KHDRBS2: variants seen among roughly 807,000 people sequenced by gnomAD.
KHDRBS2 encodes the protein KH RNA binding domain containing, signal transduction associated 2, also known as KH domain-containing, RNA-binding, signal transduction-associated protein 2.
In KHDRBS2, 26 loss-of-function variants were observed where a neutral mutation model predicts 44.3. The ratio of observed to expected loss-of-function variants is 0.59; its 90% CI spans 0.43 to 0.81. The LOEUF (loss-of-function observed/expected upper bound fraction) is 0.81, where lower values mean the gene tolerates loss of function less well. Ranked by LOEUF, KHDRBS2 falls within the 40% of genes least tolerant of loss-of-function variation. The pLI, the probability that KHDRBS2 is intolerant of heterozygous loss-of-function variation, is 0.00. For missense variants in KHDRBS2, 476 were observed against 433.1 expected (o/e 1.10, Z -0.88); for synonymous variants, 194 against 151.1 (o/e 1.28, Z -2.08).
chr6:61,962,080 AAGTAT>A (rs1013930896), intron 4 of KHDRBS2, among the ~76,000 whole-genome samples: 3 of 152,110 alleles, frequency 2.0e-5, no homozygotes, highest in Non-Finnish European at 4.4e-5. Context: ...CTCTAAAGGC[AAGTAT>A]ATCTTACAGG....
chr6:62,156,169 G>C (rs1394504703), intron 2 of KHDRBS2, among the ~76,000 whole-genome samples: 1 of 152,074 alleles, frequency 6.6e-6, no homozygotes, highest in African/African-American at 2.4e-5. Context: ...CTCAGGTACC[G>C]AATCACTGTG....
chr6:61,751,815 T>C (rs1445786364), intron 6 of KHDRBS2, among the ~76,000 whole-genome samples: 1 of 152,158 alleles, frequency 6.6e-6, no homozygotes, highest in Non-Finnish European at 1.5e-5. Context: ...AGGTTACAAG[T>C]CCAAGATGAA....
At chr6:61,715,971 T>A (rs571200096) in intron 7 of KHDRBS2, among the ~76,000 whole-genome samples, 5 of 61,652 alleles carry the variant, frequency 8.1e-5, no homozygotes, top group Admixed American at 3.4e-4. Context: ...TATATTTTTT[T>A]AAAATGGCTA....
intron 1 of KHDRBS2, among the ~76,000 whole-genome samples, chr6:62,260,967 A>T (rs1389003746): frequency 6.6e-6 from 1 of 151,924 alleles, no homozygotes; most frequent in Non-Finnish European, 1.5e-5. Context: ...GATATCTGAG[A>T]TATTTTCATT....
intron 6 of KHDRBS2, among the ~76,000 whole-genome samples, chr6:61,805,990 G>A (rs1787096711): frequency 1.3e-5 from 2 of 152,134 alleles, no homozygotes; most frequent in South Asian, 4.1e-4. Flanking sequence ...TGGTAGAGGT[G>A]GGATATGAAC....
At chr6:62,154,952 G>T (rs1443016394) in intron 2 of KHDRBS2, among the ~76,000 whole-genome samples, 1 of 152,182 alleles carries the variant, frequency 6.6e-6, no homozygotes. Context: ...GAGAAATACT[G>T]AAGGGTCTTC....
At chr6:62,050,765 C>G (rs1305823392) in intron 2 of KHDRBS2, among the ~76,000 whole-genome samples, 1 of 151,990 alleles carries the variant, frequency 6.6e-6, no homozygotes, top group Non-Finnish European at 1.5e-5. Context: ...TACAGTTCCA[C>G]TATGATCCAG....
intron 5 of KHDRBS2, among the ~76,000 whole-genome samples, chr6:61,897,397 C>T (rs1323189990): frequency 1.3e-5 from 2 of 152,012 alleles, no homozygotes; most frequent in Non-Finnish European, 2.9e-5. Context: ...AAGTCACCTG[C>T]CCAAGGTCAC....
chr6:61,648,931 C>T, the KHDRBS2 span, among the ~76,000 whole-genome samples: 2 of 152,170 alleles, frequency 1.3e-5, no homozygotes, highest in African/African-American at 2.4e-5. Flanking sequence ...ATTTCCATCC[C>T]TATGCTAATT....
intron 1 of KHDRBS2, among the ~76,000 whole-genome samples, chr6:62,187,697 AT>A (rs1230264670): frequency 6.6e-6 from 1 of 151,858 alleles, no homozygotes; most frequent in Non-Finnish European, 1.5e-5. Context: ...GTTTGGTTTA[AT>A]TTTTTTGCGG....
chr6:61,665,715 G>A, the KHDRBS2 span, among the ~76,000 whole-genome samples: 2 of 150,920 alleles, frequency 1.3e-5, no homozygotes, highest in East Asian at 2.0e-4. Flanking sequence ...AGAATTAAAT[G>A]TATTACAAAA....
At chr6:61,956,822 T>C (rs1767445015) in intron 4 of KHDRBS2, among the ~76,000 whole-genome samples, 1 of 151,984 alleles carries the variant, frequency 6.6e-6, no homozygotes, top group African/African-American at 2.4e-5. Context: ...ACAAATAATA[T>C]CTCATTTGAT....
At chr6:62,033,938 G>C (rs1014163772) in intron 3 of KHDRBS2, among the ~76,000 whole-genome samples, 1 of 151,390 alleles carries the variant, frequency 6.6e-6, no homozygotes, top group Non-Finnish European at 1.5e-5. Flanking sequence ...AAGAGAGAGA[G>C]AGAGAGAAGG....
chr6:62,053,503 C>A (rs1789553772), intron 2 of KHDRBS2, among the ~76,000 whole-genome samples: 1 of 151,778 alleles, frequency 6.6e-6, no homozygotes, highest in Middle Eastern at 3.4e-3. Flanking sequence ...TGTAATTTAC[C>A]CATTAACAAA....
At chr6:61,951,679 C>T (rs1764773733) in intron 4 of KHDRBS2, among the ~76,000 whole-genome samples, 3 of 152,016 alleles carry the variant, frequency 2.0e-5, no homozygotes, top group Admixed American at 2.0e-4. Flanking sequence ...AATCAGTGTA[C>T]AGTGTAAATT....
chr6:62,089,094 T>C (rs1435052259), intron 2 of KHDRBS2, among the ~76,000 whole-genome samples: 2 of 152,072 alleles, frequency 1.3e-5, no homozygotes, highest in Non-Finnish European at 2.9e-5. Context: ...GCATCCCAGG[T>C]TGACTTCAGA....
chr6:61,765,155 T>G (rs1779825480), intron 6 of KHDRBS2, among the ~76,000 whole-genome samples: 1 of 152,154 alleles, frequency 6.6e-6, no homozygotes, highest in Non-Finnish European at 1.5e-5. Flanking sequence ...TAGAAGTAAC[T>G]GGCCAGGCAT....
chr6:62,104,684 A>AAT (rs1284022271), intron 2 of KHDRBS2, among the ~76,000 whole-genome samples: 2 of 152,190 alleles, frequency 1.3e-5, no homozygotes, highest in African/African-American at 2.4e-5. Flanking sequence ...ACATGCCTAT[A>AAT]ATAAAACAGA....
intron 4 of KHDRBS2, among the ~76,000 whole-genome samples, chr6:61,930,995 C>G (rs1331905549): frequency 6.6e-6 from 1 of 151,916 alleles, no homozygotes; most frequent in Non-Finnish European, 1.5e-5. Context: ...TTCAAATAAG[C>G]AACTCTTCTG....
Sources: allele counts gnomAD v4.1 joint callset (sites outside exome capture counted in the v4.1 genomes callset), GRCh38; gene constraint gnomAD v4.1.1; transcripts MANE v1.5; gene names NCBI Gene and HGNC (gene_info 2026-07-23, HGNC 2026-07-21).